The following SORCS3 variants were observed in gnomAD, a reference collection of about 807,000 sequenced individuals.
The protein encoded by SORCS3 is sortilin related VPS10 domain containing receptor 3.
In SORCS3, 57 loss-of-function variants were observed where a neutral mutation model predicts 146.3. The observed-to-expected ratio is 0.39, with a 90% confidence interval of 0.31 to 0.49. The LOEUF (loss-of-function observed/expected upper bound fraction) is 0.49, where lower values mean the gene tolerates loss of function less well. Ranked by LOEUF, SORCS3 falls within the 20% of genes least tolerant of loss-of-function variation. SORCS3 has a pLI of 0.92. For synonymous variants in SORCS3, 653 were observed against 618.5 expected (o/e 1.06, Z -0.83); for missense variants, 1,341 against 1,575.5 (o/e 0.85, Z 2.52).
At chr10:104,774,459 T>C (rs1195996741) in intron 1 of SORCS3, among the ~76,000 whole-genome samples, 2 of 152,146 alleles carry the variant, frequency 1.3e-5, no homozygotes, top group South Asian at 2.1e-4. Context: ...GTCCCTTGCA[T>C]GGTGTCTGCC....
intron 1 of SORCS3, among the ~76,000 whole-genome samples, chr10:104,798,864 C>T (rs1264730072): frequency 6.6e-6 from 1 of 152,048 alleles, no homozygotes; most frequent in African/African-American, 2.4e-5. Context: ...AAAAAAACAA[C>T]CCCATTAAAA....
chr10:105,191,217 A>G (rs1246787243), intron 14 of SORCS3, among the ~76,000 whole-genome samples: 1 of 152,200 alleles, frequency 6.6e-6, no homozygotes, highest in Non-Finnish European at 1.5e-5. Context: ...GATTTTTGAT[A>G]CATTTTGGAA....
chr10:105,087,204 T>C (rs1423697339), intron 5 of SORCS3, among the ~76,000 whole-genome samples: 5 of 152,158 alleles, frequency 3.3e-5, no homozygotes, highest in Admixed American at 1.3e-4. Flanking sequence ...TCATTGCTTG[T>C]TTTTGTCAGG....
chr10:105,158,490 TC>T (rs2056231532), intron 10 of SORCS3, among the ~76,000 whole-genome samples: 1 of 152,130 alleles, frequency 6.6e-6, no homozygotes, highest in Non-Finnish European at 1.5e-5. Context: ...TCTTCACTCC[TC>T]CCAGAGGGCC....
chr10:105,007,455 A>G (rs140350090), intron 4 of SORCS3, among the ~76,000 whole-genome samples: 1 of 152,102 alleles, frequency 6.6e-6, no homozygotes, highest in African/African-American at 2.4e-5. Flanking sequence ...TATACCCATC[A>G]CTCATCCTCC....
At chr10:105,001,727 T>C (rs187825919) in intron 4 of SORCS3, among the ~76,000 whole-genome samples, 1 of 152,314 alleles carries the variant, frequency 6.6e-6, no homozygotes, top group African/African-American at 2.4e-5. Flanking sequence ...GCAGTTTCGC[T>C]AACTCTAGCC....
intron 7 of SORCS3, among the ~76,000 whole-genome samples, chr10:105,115,879 G>A (rs940939414): frequency 2.6e-5 from 4 of 152,140 alleles, no homozygotes; most frequent in East Asian, 1.9e-4. Context: ...TAAATAAATA[G>A]CAATTACATC....
intron 20 of SORCS3, among the ~76,000 whole-genome samples, chr10:105,236,341 G>A (rs2056792866): frequency 6.6e-6 from 1 of 152,072 alleles, no homozygotes; most frequent in Non-Finnish European, 1.5e-5. Flanking sequence ...TACTAGAGGT[G>A]TTTATCTCCT....
intron 8 of SORCS3, among the ~76,000 whole-genome samples, chr10:105,139,849 A>G (rs2056083438): frequency 6.6e-6 from 1 of 152,178 alleles, no homozygotes; most frequent in Non-Finnish European, 1.5e-5. Flanking sequence ...AGGAGGACAG[A>G]CGCATAAAAG....
At chr10:105,046,101 G>A (rs942600268) in intron 5 of SORCS3, among the ~76,000 whole-genome samples, 1 of 152,084 alleles carries the variant, frequency 6.6e-6, no homozygotes, top group Non-Finnish European at 1.5e-5. Flanking sequence ...GGGAGAGAGG[G>A]TGTAGAGGGA....
intron 15 of SORCS3, among the ~76,000 whole-genome samples, chr10:105,200,683 C>T (rs575096906): frequency 6.6e-6 from 1 of 152,254 alleles, no homozygotes; most frequent in African/African-American, 2.4e-5. Flanking sequence ...TGGGCATGGT[C>T]GTTTATCATA....
In SORCS3 at chr10:105,043,119, G is replaced by T; in HGVS notation, c.1019G>T (p.Arg340Met). The T allele has an allele frequency of 1.9e-6, 3 of 1,613,614 alleles. No individual in the cohort carries two copies. Among genetic ancestry groups the T allele is most frequent in the Non-Finnish European group, 2.5e-6 (3 of 1,179,636 alleles). ...QLMHERITPNRFYWSVAGLDK... is the reference protein window; with the variant it reads ...QLMHERITPNMFYWSVAGLDK... ...ATGCATGAACGCATCACACCCAACA[G>T]GTTTTATTGGTAAGCCCTATCCACA... The change falls in exon 5 of 27, where the codon AGG (arginine) becomes ATG (methionine). Residue 340 changes from arginine to methionine, a missense_variant. Transcript: ENST00000369701.
intron 1 of SORCS3, among the ~76,000 whole-genome samples, chr10:104,748,959 T>G (rs1346232337): frequency 6.6e-6 from 1 of 152,142 alleles, no homozygotes; most frequent in Non-Finnish European, 1.5e-5. Context: ...TTCCCAGCTG[T>G]GGTCAGGTGT....
chr10:104,897,821 G>A (rs1452043669), intron 2 of SORCS3, among the ~76,000 whole-genome samples: 1 of 152,216 alleles, frequency 6.6e-6, no homozygotes, highest in African/African-American at 2.4e-5. Flanking sequence ...TCGCTAATGA[G>A]TTGAATGGGT....
At chr10:105,025,428 C>T (rs1302123576) in intron 4 of SORCS3, among the ~76,000 whole-genome samples, 1 of 152,112 alleles carries the variant, frequency 6.6e-6, no homozygotes, top group African/African-American at 2.4e-5. Flanking sequence ...TTCTCATAAT[C>T]CTTTCTTCCC....
At chr10:104,927,355 T>C (rs563997074) in intron 3 of SORCS3, among the ~76,000 whole-genome samples, 8 of 152,220 alleles carry the variant, frequency 5.3e-5, no homozygotes, top group African/African-American at 1.9e-4. Flanking sequence ...GGGATTCCAT[T>C]TGAGGTTAAA....
In SORCS3 at chr10:105,086,501, T is replaced by G. The variant is rs537294685; in HGVS notation, c.1029-3274T>G. ...GATTCTTGCTTTCAACCTTGAAAGATGTGTGAGATTTTAACTAGGTGGAAG... is the reference window on the plus strand; with the variant it reads ...GATTCTTGCTTTCAACCTTGAAAGAGGTGTGAGATTTTAACTAGGTGGAAG... On this transcript the variant is annotated intron_variant, in intron 5 of 26. Coordinates refer to ENST00000369701, the MANE Select transcript of SORCS3 (RefSeq NM_014978.3). Among the ~76,000 whole-genome samples, 392 of 152,274 alleles carry G rather than the reference T, an allele frequency of 2.6e-3. 4 individuals are homozygous for G. Among genetic ancestry groups the G allele is most frequent in the Non-Finnish European group, 6.2e-4 (42 of 68,020 alleles).
At chr10:104,958,198 C>T (rs2019517583) in intron 3 of SORCS3, among the ~76,000 whole-genome samples, 1 of 152,122 alleles carries the variant, frequency 6.6e-6, no homozygotes, top group African/African-American at 2.4e-5. Context: ...AAGAATAAAA[C>T]ACTCAACTTG....
chr10:104,922,223 T>C (rs1192302086), intron 3 of SORCS3, among the ~76,000 whole-genome samples: 4 of 152,216 alleles, frequency 2.6e-5, no homozygotes, highest in Non-Finnish European at 5.9e-5. Flanking sequence ...GGAAAGTAAG[T>C]GGCAGGGTAA....
Sources: gnomAD v4.1 joint callset for allele counts (sites outside exome capture counted in the v4.1 genomes callset) on GRCh38, gnomAD v4.1.1 for gene constraint, MANE v1.5 for transcripts, NCBI Gene and HGNC (gene_info 2026-07-23, HGNC 2026-07-21) for gene names.